The following AP4B1 variants were observed in gnomAD, a reference collection of about 807,000 sequenced individuals.
AP4B1 encodes the protein AP-4 complex subunit beta-1.
AP4B1 carries 49 observed loss-of-function variants against 76.5 expected under a neutral mutation model. The ratio of observed to expected loss-of-function variants is 0.64; its 90% CI spans 0.51 to 0.81. The LOEUF is 0.81. Among genes scored for constraint, AP4B1 ranks in the 40% least tolerant of loss-of-function variants. The pLI, the probability that AP4B1 is intolerant of heterozygous loss-of-function variation, is 0.00. For missense variants in AP4B1, 911 were observed against 904.9 expected (o/e 1.01, Z -0.09); for synonymous variants, 330 against 333.3 (o/e 0.99, Z 0.11).
In AP4B1 at chr1:113,904,769, C is replaced by T. The variant is rs1668763099; in HGVS notation, c.-52G>A. The T allele has an allele frequency of 6.8e-7, 1 of 1,465,754 alleles. No individual in the cohort carries two copies. The highest frequency in any genetic ancestry group is 2.3e-5 in the East Asian group (1 of 44,138). The allele number at this position is 1,465,754 out of a possible 1,614,324, so 90.8% of individuals were successfully genotyped here. The stretch of plus-strand genomic sequence containing the variant: ...CACAGCTCCCACGGTAACTCGAGGG[C>T]TCCTTCTCGTCCTGATGTGGGAGCC... On this transcript the variant is annotated 5_prime_UTR_variant, in exon 1 of 10. Coordinates refer to ENST00000369569, the MANE Select transcript of AP4B1 (RefSeq NM_001253852.3).
intron 7 of AP4B1, chr1:113,896,857 C>T: frequency 4.1e-6 from 1 of 244,516 alleles, no homozygotes; most frequent in South Asian, 5.1e-5. Flanking sequence ...AAAAATGTAT[C>T]TGTCAGCCGG....
intron 5 of AP4B1, among the ~76,000 whole-genome samples, chr1:113,899,543 T>C (rs1369697925): frequency 6.6e-6 from 1 of 152,202 alleles, no homozygotes. Context: ...AGTTTCTTCA[T>C]CTTTAAAATG....
intron 5 of AP4B1, chr1:113,899,191 T>C (rs1667898407): frequency 2.9e-6 from 3 of 1,047,784 alleles, no homozygotes; most frequent in Non-Finnish European, 3.5e-6. Flanking sequence ...GTCTCCTCTT[T>C]GCTCCCTCTT....
chr1:113,901,520 G>T (rs2101036304), intron 3 of AP4B1, 137 bp from the exon 4 acceptor site: 2 of 1,215,630 alleles, frequency 1.6e-6, no homozygotes, highest in Non-Finnish European at 2.3e-6. Context: ...TAAAGTGCAA[G>T]GCAAAAAAAA....
upstream of AP4B1, chr1:113,904,849 G>C: frequency 1.1e-5 from 9 of 839,206 alleles, no homozygotes; most frequent in Non-Finnish European, 1.4e-5. Flanking sequence ...CTCGCCTCAG[G>C]CTCGGCTTCC....
At chr1:113,899,091 C>A in intron 5 of AP4B1, 1 of 1,232,478 alleles carries the variant, frequency 8.1e-7, no homozygotes, top group Non-Finnish European at 1.0e-6. Context: ...TACATGGCAG[C>A]CAGATATGAG....
At chr1:113,899,291 C>A (rs1474935994) in intron 5 of AP4B1, 1 of 1,016,834 alleles carries the variant, frequency 9.8e-7, no homozygotes, top group Non-Finnish European at 1.2e-6. Flanking sequence ...GGCTCAACAG[C>A]TGTTTTCAGT....
At chr1:113,902,982 G>T in intron 1 of AP4B1, 120 bp from the exon 2 acceptor site, 1 of 848,104 alleles carries the variant, frequency 1.2e-6, no homozygotes, top group Non-Finnish European at 2.0e-6. Flanking sequence ...GAGGGTAGCA[G>T]CCAGGATTAC....
chr1:113,903,232 A>C (rs1274701209), intron 1 of AP4B1, among the ~76,000 whole-genome samples: 1 of 152,066 alleles, frequency 6.6e-6, no homozygotes, highest in East Asian at 1.9e-4. Flanking sequence ...CGCCCAGCTA[A>C]TTTTTGTATT....
At chr1:113,899,659 G>A (rs1381387129) in intron 5 of AP4B1, among the ~76,000 whole-genome samples, 1 of 151,936 alleles carries the variant, frequency 6.6e-6, no homozygotes, top group East Asian at 1.9e-4. Context: ...TTTAAGTATT[G>A]TAGTTTGTGT....
chr1:113,898,572 T>C (rs1303467025), intron 6 of AP4B1, 146 bp downstream of exon 6: 10 of 751,582 alleles, frequency 1.3e-5, no homozygotes, highest in South Asian at 4.3e-5. Flanking sequence ...CTATAGACTT[T>C]ATGCTTCTCT....
intron 1 of AP4B1, 87 bp downstream of exon 1, chr1:113,904,518 T>C: frequency 7.9e-7 from 1 of 1,271,520 alleles, no homozygotes; most frequent in South Asian, 1.2e-5. Flanking sequence ...TGAAAGCTAA[T>C]TCACCCTTTC....
rs1668005016 is a variant in AP4B1, at chr1:113,899,919, C to T, written c.1099G>A (p.Ala367Thr). Residue 367 changes from alanine to threonine, a missense_variant, in exon 5 of 10, where the codon GCC (alanine) becomes ACC (threonine). Ala to Thr is a moderately conservative substitution (Grantham distance 58). Transcript: ENST00000369569. ...TDVSADFAQA[A>T]IFAIGGIART... is the part of the protein sequence containing the mutation. ...AGACACCTACCTATGGCAAAGATGG[C>T]AGCCTGTGCAAAGTCCGCAGACACA... 1 of 1,614,170 alleles carries T rather than the reference C, an allele frequency of 6.2e-7. No individual in the cohort carries two copies. The highest frequency in any genetic ancestry group is 1.7e-5 in the Admixed American group (1 of 60,016).
chr1:113,894,990 C>T lies in AP4B1; in HGVS notation c.*75G>A. The T allele has an allele frequency of 6.9e-7, 1 of 1,454,960 alleles. No individual in the cohort carries two copies. The highest frequency in any genetic ancestry group is 9.4e-7 in the Non-Finnish European group (1 of 1,061,826). 90.1% of individuals were successfully genotyped at this position (1,454,960 alleles called of 1,614,324 possible). A position where few individuals can be genotyped will look rare whatever the true frequency, so the allele number is the denominator to read the frequency against. ...TTGTATCTGATATTATCTGGACTTA[C>T]TGGCAGCTCTAATAGGAAAGACTAA... On this transcript the variant is annotated 3_prime_UTR_variant, in exon 10 of 10. Transcript: ENST00000369569.
chr1:113,900,264 C>G lies in AP4B1; in HGVS notation c.754G>C (p.Val252Leu), dbSNP rs1668066695. ...SFLKSSSPGV[V>L]MGATKLFLIL... is the part of the protein sequence containing the mutation. ...AGAAAAAGTTTGGTAGCTCCCATCA[C>G]CACACCTGGGCTACTGCTCTTGAGG... is the stretch of plus-strand genomic sequence containing the variant. Residue 252 changes from valine (V) to leucine (L), a missense_variant, in exon 5 of 10, where the codon GTG becomes CTG. Transcript: ENST00000369569. The G allele has an allele frequency of 4.4e-6, 7 of 1,606,526 alleles. No individual in the cohort carries two copies. The South Asian group carries it at 4.4e-5, about 10-fold the overall frequency.
chr1:113,900,293 C>G lies in AP4B1; in HGVS notation c.725G>C (p.Ser242Thr). Residue 242 changes from serine to threonine, a missense_variant, in exon 5 of 10, where the codon AGT becomes ACT. Ser to Thr is a moderately conservative substitution (Grantham distance 58). Coordinates refer to ENST00000369569, the MANE Select transcript of AP4B1 (RefSeq NM_001253852.3). ...ELFDILNLLD[S>T]FLKSSSPGVV... ...ACCTGGGCTACTGCTCTTGAGGAAA[C>G]TATCCAACAGATTGAGAATGTCAAA... 6.2e-7 allele frequency: 1 copy of G among 1,604,554 alleles called. No individual in the cohort carries two copies. Among genetic ancestry groups the G allele is most frequent in the Non-Finnish European group, 8.5e-7 (1 of 1,175,044 alleles).
In AP4B1 at chr1:113,894,962, C is replaced by A; in HGVS notation, c.*103G>T. ...TCCTGATTTCTAGATTTTCCACTCT[C>A]CTTTGTATCTGATATTATCTGGACT... is the stretch of plus-strand genomic sequence containing the variant. On this transcript the variant is annotated 3_prime_UTR_variant, in exon 10 of 10. Transcript: ENST00000369569. The A allele has an allele frequency of 7.8e-7, 1 of 1,273,954 alleles. No homozygotes were observed. 78.9% of individuals were successfully genotyped at this position (1,273,954 alleles called of 1,614,324 possible).
In AP4B1 at chr1:113,900,124, A is replaced by T. The variant is rs746462207; in HGVS notation, c.894T>A (p.Cys298Ter). The change falls in exon 5 of 10, where the codon TGT becomes TGA. Residue 298 changes from cysteine to a stop codon, truncating the protein, a stop_gained. Coordinates refer to ENST00000369569, the MANE Select transcript of AP4B1 (RefSeq NM_001253852.3). LOFTEE classifies it high-confidence loss of function. ...ESRELCFVAL[C>*]HVRQILHSLP... ...AACTATGCAAGATCTGGCGTACATG[A>T]CAAAGAGCAACAAAACAGAGCTCAC... 23 of 1,614,106 alleles carry T rather than the reference A, an allele frequency of 1.4e-5. No homozygotes were observed. Among genetic ancestry groups the T allele is most frequent in the Non-Finnish European group, 1.9e-5 (22 of 1,180,044 alleles).
Position 113,894,911 on chromosome 1 carries a change from A to G in AP4B1, c.*154T>C. The G allele has an allele frequency of 1.2e-6, 1 of 800,790 alleles. No homozygotes were observed. 49.6% of individuals were successfully genotyped at this position (800,790 alleles called of 1,614,324 possible). A position where few individuals can be genotyped will look rare whatever the true frequency, so the allele number is the denominator to read the frequency against. ...CAATAGGAATGAAAGGAATGAATCA[A>G]TGTTCTTTGGCCAAAAACTTAAGAA... On this transcript the variant is annotated 3_prime_UTR_variant, in exon 10 of 10. Transcript: ENST00000369569.
Sources: allele counts gnomAD v4.1 joint callset (sites outside exome capture counted in the v4.1 genomes callset), GRCh38; gene constraint gnomAD v4.1.1; transcripts MANE v1.5; gene names NCBI Gene and HGNC (gene_info 2026-07-23, HGNC 2026-07-21).